SH3BP5: variants seen among roughly 807,000 people sequenced by gnomAD.
SH3BP5 encodes SH3 domain binding protein 5.
Under a neutral mutation model 43.3 loss-of-function variants are expected in SH3BP5, and 22 were observed. That is an observed-to-expected ratio of 0.51 (90% CI 0.36 to 0.73). The LOEUF (loss-of-function observed/expected upper bound fraction) is 0.73, where lower values mean the gene tolerates loss of function less well. Ranked by LOEUF, SH3BP5 falls within the 30% of genes least tolerant of loss-of-function variation. The probability of loss-of-function intolerance (pLI) is 0.00; values close to 1 mark genes in which losing one functional copy is unlikely to be tolerated. For synonymous variants in SH3BP5, 255 were observed against 225.8 expected, an observed-to-expected ratio of 1.13 and a Z score of -1.16; for missense variants, 529 against 586.9, an observed-to-expected ratio of 0.90 and a Z score of 1.02.
At chr3:15,286,954 C>T (rs779958984) in intron 3 of SH3BP5, among the ~76,000 whole-genome samples, 5 of 152,188 alleles carry the variant, frequency 3.3e-5, no homozygotes, top group South Asian at 2.1e-4. Flanking sequence ...AAGGAGCTCA[C>T]GGTTCCAGGG....
rs1357303533 is a variant in SH3BP5 at position 15,255,210 on chromosome 3, C to T, written c.*876G>A. On this transcript the variant is annotated 3_prime_UTR_variant, in exon 9 of 9. Coordinates refer to ENST00000383791, the MANE Select transcript of SH3BP5 (RefSeq NM_004844.5). ...CTGTTTCCTCTAAGGAATACTAGTG[C>T]AGCATAACCCTTAAATAATTTCATT... 6.6e-6 allele frequency: 1 copy of T among 152,632 alleles called. No homozygotes were observed. Among genetic ancestry groups the T allele is most frequent in the Admixed American group, 6.5e-5 (1 of 15,292 alleles). 9.5% of individuals were successfully genotyped at this position (152,632 alleles called of 1,614,324 possible). A position where few individuals can be genotyped will look rare whatever the true frequency, so the allele number is the denominator to read the frequency against.
chr3:15,340,570 G>C (rs2124847589), intron 1 of SH3BP5, among the ~76,000 whole-genome samples: 2 of 152,092 alleles, frequency 1.3e-5, no homozygotes, highest in African/African-American at 4.8e-5. Flanking sequence ...GGCCAACATG[G>C]CGAAACCCCG....
chr3:15,313,440 A>G (rs1698109384), intron 2 of SH3BP5, among the ~76,000 whole-genome samples: 1 of 152,230 alleles, frequency 6.6e-6, no homozygotes, highest in African/African-American at 2.4e-5. Flanking sequence ...ATTCTATGAT[A>G]AAAGGCACTA....
intron 5 of SH3BP5, among the ~76,000 whole-genome samples, 177 bp downstream of exon 5, chr3:15,261,982 G>C (rs1374159045): frequency 6.6e-6 from 1 of 152,174 alleles, no homozygotes; most frequent in Admixed American, 6.5e-5. Context: ...CTCTGCTTCT[G>C]GGGGTCATAG....
intron 4 of SH3BP5, among the ~76,000 whole-genome samples, chr3:15,265,737 G>A (rs1696622131): frequency 6.6e-6 from 1 of 152,148 alleles, no homozygotes; most frequent in East Asian, 1.9e-4. Flanking sequence ...GGTGGGATAA[G>A]TAAGGAGGAG....
chr3:15,292,814 C>T (rs899872852), intron 3 of SH3BP5, among the ~76,000 whole-genome samples: 21 of 152,156 alleles, frequency 1.4e-4, no homozygotes, highest in African/African-American at 4.3e-4. Context: ...CACCATTGCA[C>T]CCCAGCCTGG....
chr3:15,285,316 C>T (rs1697234298), intron 3 of SH3BP5, among the ~76,000 whole-genome samples: 1 of 152,134 alleles, frequency 6.6e-6, no homozygotes, highest in Non-Finnish European at 1.5e-5. Context: ...TGTAAAAGCT[C>T]ACCTGAATAA....
intron 2 of SH3BP5, among the ~76,000 whole-genome samples, chr3:15,306,625 T>C (rs183447432): frequency 3.3e-5 from 5 of 152,266 alleles, no homozygotes. Flanking sequence ...GTAAAACATG[T>C]GTTTCATTGG....
At chr3:15,323,326 G>A (rs572385817) in intron 2 of SH3BP5, among the ~76,000 whole-genome samples, 1 of 152,236 alleles carries the variant, frequency 6.6e-6, no homozygotes, top group South Asian at 2.1e-4. Context: ...ACAAAGAAAG[G>A]TCATGGCAGG....
intron 2 of SH3BP5, among the ~76,000 whole-genome samples, chr3:15,305,942 C>G (rs1455390152): frequency 6.6e-6 from 1 of 151,816 alleles, no homozygotes; most frequent in Non-Finnish European, 1.5e-5. Flanking sequence ...CTAGGAGGAC[C>G]TATTGGAAGG....
chr3:15,332,680 C>A, upstream of SH3BP5: 2 of 1,136,774 alleles, frequency 1.8e-6, no homozygotes, highest in Middle Eastern at 3.7e-4. Flanking sequence ...CGCCGCCAGT[C>A]CCAGCTATCC....
At chr3:15,315,648 G>A (rs1698166744) in intron 2 of SH3BP5, among the ~76,000 whole-genome samples, 1 of 152,128 alleles carries the variant, frequency 6.6e-6, no homozygotes, top group African/African-American at 2.4e-5. Flanking sequence ...GAAAGGGTCT[G>A]GTTTAGAACT....
chr3:15,291,844 C>T (rs1261010555), intron 3 of SH3BP5, among the ~76,000 whole-genome samples: 1 of 152,178 alleles, frequency 6.6e-6, no homozygotes, highest in Non-Finnish European at 1.5e-5. Flanking sequence ...TACTTCTCAG[C>T]ATGAATAATT....
At chr3:15,259,233 C>T (rs1379943630) in intron 6 of SH3BP5, 183 bp from the exon 7 acceptor site, 3 of 616,278 alleles carry the variant, frequency 4.9e-6, no homozygotes, top group African/African-American at 1.8e-5. Flanking sequence ...CAGCCACCAC[C>T]ATCCCCAGAT....
intron 2 of SH3BP5, 122 bp from the exon 3 acceptor site, chr3:15,304,353 G>T: frequency 6.9e-7 from 1 of 1,441,508 alleles, no homozygotes; most frequent in Non-Finnish European, 9.6e-7. Context: ...CCCTAAAGTA[G>T]CACCTTTACA....
chr3:15,281,745 G>A (rs1230230989), intron 3 of SH3BP5, among the ~76,000 whole-genome samples: 1 of 152,160 alleles, frequency 6.6e-6, no homozygotes, highest in African/African-American at 2.4e-5. Context: ...GCTCACGCCT[G>A]TAATCCCAGC....
At chr3:15,323,071 AGT>A (rs1176794652) in intron 2 of SH3BP5, among the ~76,000 whole-genome samples, 1 of 152,092 alleles carries the variant, frequency 6.6e-6, no homozygotes, top group African/African-American at 2.4e-5. Flanking sequence ...CCTGGGAGGC[AGT>A]GGTTGCAGTG....
intron 2 of SH3BP5, among the ~76,000 whole-genome samples, chr3:15,314,651 C>G (rs1026390830): frequency 6.6e-6 from 1 of 152,156 alleles, no homozygotes; most frequent in Non-Finnish European, 1.5e-5. Context: ...TGGCATAGGC[C>G]CAATTCCACA....
intron 1 of SH3BP5, chr3:15,332,010 C>A: frequency 2.1e-6 from 1 of 477,158 alleles, no homozygotes; most frequent in Non-Finnish European, 3.7e-6. Flanking sequence ...AACCACCAGG[C>A]ACGCTGCACC....
Sources: allele counts gnomAD v4.1 joint callset (sites outside exome capture counted in the v4.1 genomes callset), GRCh38; gene constraint gnomAD v4.1.1; transcripts MANE v1.5; gene names NCBI Gene and HGNC (gene_info 2026-07-23, HGNC 2026-07-21).